Variants in FAM210A observed in about 807,000 individuals in gnomAD.
FAM210A encodes family with sequence similarity 210 member A.
Under a neutral mutation model 25.3 loss-of-function variants are expected in FAM210A, and 13 were observed. That is an observed-to-expected ratio of 0.51 (90% CI 0.33 to 0.82). The LOEUF is 0.82. FAM210A is among the 40% of genes least tolerant of loss of function. FAM210A has a pLI of 0.02. For synonymous variants in FAM210A, 125 were observed against 118.7 expected, an observed-to-expected ratio of 1.05 and a Z score of -0.35; for missense variants, 319 against 323.2, an observed-to-expected ratio of 0.99 and a Z score of 0.10.
At chr18:13,679,136 T>C (rs957212125) in intron 2 of FAM210A, among the ~76,000 whole-genome samples, 2 of 152,212 alleles carry the variant, frequency 1.3e-5, no homozygotes, top group African/African-American at 2.4e-5. Flanking sequence ...TAGAATGACA[T>C]TTTGCTCTAC....
chr18:13,696,201 A>C (rs2043692191), intron 1 of FAM210A, among the ~76,000 whole-genome samples: 2 of 152,224 alleles, frequency 1.3e-5, no homozygotes, highest in African/African-American at 4.8e-5. Context: ...AAATCCTAGC[A>C]AACTGTTTCT....
In FAM210A at chr18:13,715,269, A is replaced by G. The variant is rs569040071; in HGVS notation, c.-29+11060T>C. 26 of 152,264 alleles carry G rather than the reference A, an allele frequency of 1.7e-4. No homozygotes were observed. In the East Asian group the frequency reaches 4.6e-3, roughly 27 times the overall value. 9.4% of individuals were successfully genotyped at this position (152,264 alleles called of 1,614,324 possible). On this transcript the variant is annotated intron_variant, in intron 1 of 3. Transcript: ENST00000651643. ...GCTCCAGGGAGGTCACCATATTGAT[A>G]CCGAACTTAGTGCAGACGCCTGATC...
chr18:13,723,380 A>G (rs2043911966), intron 1 of FAM210A, among the ~76,000 whole-genome samples: 1 of 152,252 alleles, frequency 6.6e-6, no homozygotes, highest in Non-Finnish European at 1.5e-5. Flanking sequence ...AGATGTAGAT[A>G]AAAACATAAA....
intron 1 of FAM210A, among the ~76,000 whole-genome samples, chr18:13,686,673 G>A (rs1318126472): frequency 1.3e-5 from 2 of 152,030 alleles, no homozygotes; most frequent in African/African-American, 4.8e-5. Flanking sequence ...TAGATGAAAT[G>A]GACCAAGTCC....
chr18:13,705,771 C>T (rs910168225), intron 1 of FAM210A, among the ~76,000 whole-genome samples: 4 of 152,198 alleles, frequency 2.6e-5, no homozygotes, highest in African/African-American at 7.2e-5. Context: ...TGTGCCCAGC[C>T]TGCTAAAATA....
chr18:13,686,607 C>T (rs2043599147), intron 1 of FAM210A, among the ~76,000 whole-genome samples: 1 of 152,150 alleles, frequency 6.6e-6, no homozygotes, highest in African/African-American at 2.4e-5. Context: ...AAACTCTTTA[C>T]TTACAATAAT....
chr18:13,679,796 T>C (rs1200530679), intron 2 of FAM210A, among the ~76,000 whole-genome samples: 1 of 152,170 alleles, frequency 6.6e-6, no homozygotes, highest in Non-Finnish European at 1.5e-5. Flanking sequence ...ACTAAGAAAG[T>C]TGCATTTTAC....
chr18:13,664,454 G>A lies in FAM210A; in HGVS notation c.*2026C>T, dbSNP rs1057126353. On this transcript the variant is annotated 3_prime_UTR_variant, in exon 4 of 4. Coordinates refer to ENST00000651643, the MANE Select transcript of FAM210A (RefSeq NM_152352.4). ...TGGTTAAAAAGAAAAAAGAAACAAG[G>A]AACATGTTTAATATCTTAAAAAACA... 1.3e-5 allele frequency: 2 copies of A among 152,014 alleles called. No homozygotes were observed. The highest frequency in any genetic ancestry group is 4.8e-5 in the African/African-American group (2 of 41,390). The allele number at this position is 152,014 out of a possible 1,614,324, so 9.4% of individuals were successfully genotyped here. A position where few individuals can be genotyped will look rare whatever the true frequency, so the allele number is the denominator to read the frequency against.
chr18:13,701,839 G>T lies in FAM210A; in HGVS notation c.-28-19734C>A, dbSNP rs561675507. Among the ~76,000 whole-genome samples, 4 of 152,174 alleles carry T rather than the reference G, an allele frequency of 2.6e-5. 1 individual carries two copies. Among genetic ancestry groups the T allele is most frequent in the African/African-American group, 7.2e-5 (3 of 41,432 alleles). ...CTGCAGTACCAATTGGCTGACTTTG[G>T]ATAAGTTATGGGGTACATTTTACTT... On this transcript the variant is annotated intron_variant, in intron 1 of 3. Coordinates refer to ENST00000651643, the MANE Select transcript of FAM210A (RefSeq NM_152352.4).
chr18:13,685,211 A>G (rs1441051900), intron 1 of FAM210A, among the ~76,000 whole-genome samples: 1 of 151,992 alleles, frequency 6.6e-6, no homozygotes, highest in East Asian at 1.9e-4. Context: ...GCATAACATC[A>G]CATGACAGAT....
rs142489743 is a variant in FAM210A, at chr18:13,668,021, C to T, written c.586-1308G>A. On this transcript the variant is annotated intron_variant, in intron 3 of 3. Transcript: ENST00000651643. ...GAGGCTGCAGGGAGCTGTGATTGCA[C>T]GACTGCACTCCAGCCTGGGAAACAG... Among the ~76,000 whole-genome samples the T allele has an allele frequency of 2.8e-3, 425 of 152,304 alleles. 12 individuals are homozygous for T. Among genetic ancestry groups the T allele is most frequent in the Admixed American group, 0.026 (393 of 15,298 alleles).
chr18:13,725,007 C>A (rs1490477194), intron 1 of FAM210A, among the ~76,000 whole-genome samples: 2 of 152,160 alleles, frequency 1.3e-5, no homozygotes, highest in Non-Finnish European at 2.9e-5. Context: ...CTCCTGACCT[C>A]GTGATCCAAC....
chr18:13,671,734 T>A, intron 3 of FAM210A, 128 bp downstream of exon 3: 1 of 522,380 alleles, frequency 1.9e-6, no homozygotes, highest in Non-Finnish European at 3.5e-6. Context: ...TCACCAGACA[T>A]ATCAGAGATG....
intron 3 of FAM210A, among the ~76,000 whole-genome samples, chr18:13,669,391 C>G (rs2043425376): frequency 6.6e-6 from 1 of 152,202 alleles, no homozygotes; most frequent in Non-Finnish European, 1.5e-5. Context: ...ACACGCCATT[C>G]TCTGCCCTGT....
In FAM210A at chr18:13,673,291, CTTCT is replaced by C. The variant is rs761951641; in HGVS notation, c.474-1322_474-1319del. Among the ~76,000 whole-genome samples the C allele has an allele frequency of 1.1e-4, 17 of 150,530 alleles. No homozygotes were observed. The South Asian group carries it at 1.5e-3, about 13-fold the overall frequency. On this transcript the variant is annotated intron_variant, in intron 2 of 3. Coordinates refer to ENST00000651643, the MANE Select transcript of FAM210A (RefSeq NM_152352.4). ...GATTATTAACATTCCTGAGCCCCGA[CTTCT>C]TTATTTCCAGTTTCCTGATTATTAA...
At chr18:13,673,687 CGT>C (rs2043464249) in intron 2 of FAM210A, among the ~76,000 whole-genome samples, 1 of 149,900 alleles carries the variant, frequency 6.7e-6, no homozygotes, top group Non-Finnish European at 1.5e-5. Flanking sequence ...ATTCCTGAGC[CGT>C]GACTTATTTC....
chr18:13,685,294 A>ATTT (rs71174190), intron 1 of FAM210A, among the ~76,000 whole-genome samples: 3 of 143,768 alleles, frequency 2.1e-5, no homozygotes, highest in African/African-American at 7.7e-5. Flanking sequence ...CTGCAAAGCC[A>ATTT]TTTTTTTTTT....
At position 13,663,961 on chromosome 18, in the gene FAM210A, A is replaced by G. The variant is rs761084208; in HGVS notation, c.*2519T>C. On this transcript the variant is annotated 3_prime_UTR_variant, in exon 4 of 4. Transcript: ENST00000651643. Reference sequence around the variant, plus strand: ...AAATGAAATGAGGTCTATTATACATAGCAAACTATACTGTATATATTCTCA... The same window carrying G: ...AAATGAAATGAGGTCTATTATACATGGCAAACTATACTGTATATATTCTCA... The G allele has an allele frequency of 4.6e-5, 7 of 152,252 alleles. No homozygotes were observed. The highest frequency in any genetic ancestry group is 1.0e-4 in the Non-Finnish European group (7 of 68,044). The allele number at this position is 152,252 out of a possible 1,614,324, so 9.4% of individuals were successfully genotyped here. A position where few individuals can be genotyped will look rare whatever the true frequency, so the allele number is the denominator to read the frequency against.
intron 1 of FAM210A, among the ~76,000 whole-genome samples, chr18:13,716,797 A>G (rs1288464344): frequency 6.6e-6 from 1 of 152,128 alleles, no homozygotes; most frequent in Non-Finnish European, 1.5e-5. Flanking sequence ...TTTGCCTTCC[A>G]CTATGATTGG....
Sources: gnomAD v4.1 joint callset for allele counts (sites outside exome capture counted in the v4.1 genomes callset) on GRCh38, gnomAD v4.1.1 for gene constraint, MANE v1.5 for transcripts, NCBI Gene and HGNC (gene_info 2026-07-23, HGNC 2026-07-21) for gene names.